The following ACVR1C variants were observed in gnomAD, a reference collection of about 807,000 sequenced individuals.
ACVR1C encodes activin A receptor type 1C.
A neutral mutation model predicts 57.9 loss-of-function variants in ACVR1C; 23 were observed. The observed-to-expected ratio is 0.40, with a 90% confidence interval of 0.29 to 0.56. ACVR1C has a LOEUF of 0.56. Ranked by LOEUF, ACVR1C falls within the 20% of genes least tolerant of loss-of-function variation. The pLI, the probability that ACVR1C is intolerant of heterozygous loss-of-function variation, is 0.50. For missense variants in ACVR1C, 480 were observed against 607.9 expected, an observed-to-expected ratio of 0.79 and a Z score of 2.21; for synonymous variants, 214 against 215.3, an observed-to-expected ratio of 0.99 and a Z score of 0.05.
intron 8 of ACVR1C, 32 bp downstream of exon 8, chr2:157,538,541 T>A: frequency 6.6e-7 from 1 of 1,511,340 alleles, no homozygotes; most frequent in East Asian, 2.4e-5. Context: ...AAAAATATAA[T>A]AAGAAAAATA....
intron 2 of ACVR1C, among the ~76,000 whole-genome samples, chr2:157,568,001 G>T (rs1688437621): frequency 6.9e-6 from 1 of 145,936 alleles, no homozygotes; most frequent in Non-Finnish European, 1.5e-5. Flanking sequence ...AAGCCCATCA[G>T]ACTAACAGCG....
intron 1 of ACVR1C, among the ~76,000 whole-genome samples, chr2:157,615,312 A>G (rs1682617666): frequency 6.9e-6 from 1 of 144,394 alleles, no homozygotes; most frequent in African/African-American, 2.7e-5. Flanking sequence ...ACAAGTAACA[A>G]TAATACAAAA....
At chr2:157,599,996 T>C (rs901118842) in intron 1 of ACVR1C, among the ~76,000 whole-genome samples, 3 of 152,220 alleles carry the variant, frequency 2.0e-5, no homozygotes, top group African/African-American at 7.2e-5. Context: ...AGATGATCTC[T>C]AATGTGCCTT....
Position 157,562,164 on chromosome 2 carries a change from C to T in ACVR1C, c.305-5832G>A, listed in dbSNP as rs571532439. Among the ~76,000 whole-genome samples the T allele has an allele frequency of 4.5e-4, 69 of 151,758 alleles. 1 individual carries two copies. Among genetic ancestry groups the T allele is most frequent in the African/African-American group, 1.6e-3 (66 of 41,392 alleles). ...ACAAAAAATTAGCCGGGCATGGTGG[C>T]GCGTGCCTCTAGTCAAGCTACTTGG... On this transcript the variant is annotated intron_variant, in intron 2 of 8. Coordinates refer to ENST00000243349, the MANE Select transcript of ACVR1C (RefSeq NM_145259.3).
intron 3 of ACVR1C, among the ~76,000 whole-genome samples, chr2:157,550,601 T>G (rs571331877): frequency 1.8e-4 from 27 of 152,348 alleles, no homozygotes; most frequent in Non-Finnish European, 8.8e-5. Flanking sequence ...TGAATTTGTC[T>G]TGTCGTATTC....
intron 2 of ACVR1C, among the ~76,000 whole-genome samples, chr2:157,558,222 A>G (rs1037437048): frequency 6.6e-6 from 1 of 152,158 alleles, no homozygotes; most frequent in African/African-American, 2.4e-5. Context: ...TCTTCACAGG[A>G]CAGAGAAAGA....
rs145388288 is a variant in ACVR1C at position 157,614,232 on chromosome 2, G to C, written c.73+14340C>G. Among the ~76,000 whole-genome samples the C allele has an allele frequency of 4.5e-3, 679 of 152,164 alleles. 8 individuals are homozygous for C. The highest frequency in any genetic ancestry group is 0.015 in the African/African-American group (635 of 41,524). On this transcript the variant is annotated intron_variant, in intron 1 of 8. Transcript: ENST00000243349. ...CTTTCATTTCTAACATCAGTAATTT[G>C]TGTATTCCCTCTATTTTCTTTGTAA...
At chr2:157,553,438 A>G (rs1333580284) in intron 3 of ACVR1C, among the ~76,000 whole-genome samples, 1 of 152,142 alleles carries the variant, frequency 6.6e-6, no homozygotes, top group Non-Finnish European at 1.5e-5. Flanking sequence ...TAATCTGAAA[A>G]CGAGAGAGTC....
chr2:157,593,255 A>G (rs1481115337), intron 1 of ACVR1C, among the ~76,000 whole-genome samples: 1 of 152,148 alleles, frequency 6.6e-6, no homozygotes, highest in Non-Finnish European at 1.5e-5. Flanking sequence ...AAATTTGTTG[A>G]TCCGCATTTA....
intron 8 of ACVR1C, 122 bp downstream of exon 8, chr2:157,538,451 T>C: frequency 1.0e-6 from 1 of 970,460 alleles, no homozygotes; most frequent in Non-Finnish European, 1.4e-6. Context: ...TGAAGACTTA[T>C]AAAAAGACGT....
Position 157,530,028 on chromosome 2 carries a change from T to C in ACVR1C, c.*3890A>G, listed in dbSNP as rs1687320915. 1 of 152,106 alleles carries C rather than the reference T, an allele frequency of 6.6e-6. No individual in the cohort carries two copies. Among genetic ancestry groups the C allele is most frequent in the Non-Finnish European group, 1.5e-5 (1 of 67,986 alleles). 9.4% of individuals were successfully genotyped at this position (152,106 alleles called of 1,614,324 possible). On this transcript the variant is annotated 3_prime_UTR_variant, in exon 9 of 9. Transcript: ENST00000243349. ...CACACAGAGCTAGAACAAAGCATTGTCAAACAGAAATAGTATGTTTCACAA... is the reference window on the plus strand; with the variant it reads ...CACACAGAGCTAGAACAAAGCATTGCCAAACAGAAATAGTATGTTTCACAA...
chr2:157,554,217 A>AAGAAAGAAAGAAAGAAAGAAAGAG (rs1688005823), intron 3 of ACVR1C, among the ~76,000 whole-genome samples: 1 of 104,362 alleles, frequency 9.6e-6, no homozygotes, highest in Non-Finnish European at 1.9e-5. Context: ...GAAAGAAAGA[A>AAGAAAGAAAGAAAGAAAGAAAGAG]AGAAAGAAAG....
chr2:157,628,673 G>A lies in ACVR1C; in HGVS notation c.-29C>T. 1 of 1,538,718 alleles carries A rather than the reference G, an allele frequency of 6.5e-7. No homozygotes were observed. The highest frequency in any genetic ancestry group is 8.7e-7 in the Non-Finnish European group (1 of 1,144,334). ...CACCAGGCGGCCGCGCCGGGGCTGC[G>A]AGGCCCCAGAGCAGAGCGAGGCAGC... is the stretch of plus-strand genomic sequence containing the variant. On this transcript the variant is annotated 5_prime_UTR_variant, in exon 1 of 9. Transcript: ENST00000243349.
At chr2:157,622,243 T>A (rs1324695325) in intron 1 of ACVR1C, among the ~76,000 whole-genome samples, 1 of 151,942 alleles carries the variant, frequency 6.6e-6, no homozygotes, top group Non-Finnish European at 1.5e-5. Flanking sequence ...ATGACGTTCT[T>A]CACAGAAATA....
chr2:157,536,885 T>C (rs1049035876), intron 8 of ACVR1C, among the ~76,000 whole-genome samples: 3 of 152,164 alleles, frequency 2.0e-5, no homozygotes, highest in Non-Finnish European at 4.4e-5. Context: ...AGAATGACTA[T>C]GTTGGGTCTA....
chr2:157,541,887 T>C (rs958008034), intron 6 of ACVR1C, among the ~76,000 whole-genome samples: 3 of 152,198 alleles, frequency 2.0e-5, no homozygotes, highest in Non-Finnish European at 4.4e-5. Flanking sequence ...GTTTGGTTGT[T>C]TCTAATTTCA....
At chr2:157,535,790 T>A (rs1204234972) in intron 8 of ACVR1C, among the ~76,000 whole-genome samples, 1 of 152,032 alleles carries the variant, frequency 6.6e-6, no homozygotes, top group East Asian at 1.9e-4. Context: ...CTCAAAAAAA[T>A]AAATAAATAA....
chr2:157,537,989 G>A (rs1687528238), intron 8 of ACVR1C, among the ~76,000 whole-genome samples: 1 of 152,202 alleles, frequency 6.6e-6, no homozygotes. Context: ...TAGCAGGTTA[G>A]AGATGAGGTA....
At chr2:157,556,906 AC>A (rs1344104173) in intron 2 of ACVR1C, among the ~76,000 whole-genome samples, 1 of 151,914 alleles carries the variant, frequency 6.6e-6, no homozygotes, top group African/African-American at 2.4e-5. Flanking sequence ...CAGGTGATCC[AC>A]CCACCTCAGC....
Sources: gnomAD v4.1 joint callset for allele counts (sites outside exome capture counted in the v4.1 genomes callset) on GRCh38, gnomAD v4.1.1 for gene constraint, MANE v1.5 for transcripts, NCBI Gene and HGNC (gene_info 2026-07-23, HGNC 2026-07-21) for gene names.